The following PRKAG2 variants were observed in gnomAD, a reference collection of about 807,000 sequenced individuals.
The protein encoded by PRKAG2 is 5'-AMP-activated protein kinase subunit gamma-2.
PRKAG2 carries 26 observed loss-of-function variants against 69.6 expected under a neutral mutation model. That is an observed-to-expected ratio of 0.37 (90% CI 0.27 to 0.52). The LOEUF (loss-of-function observed/expected upper bound fraction) is 0.52, where lower values mean the gene tolerates loss of function less well. Ranked by LOEUF, PRKAG2 falls within the 20% of genes least tolerant of loss-of-function variation. The pLI, the probability that PRKAG2 is intolerant of heterozygous loss-of-function variation, is 0.90. For missense variants in PRKAG2, 557 were observed against 740.0 expected (o/e 0.75, Z 2.87); for synonymous variants, 293 against 285.0 (o/e 1.03, Z -0.28).
intron 3 of PRKAG2, among the ~76,000 whole-genome samples, chr7:151,684,456 G>T (rs1198433807): frequency 1.3e-5 from 2 of 152,226 alleles, no homozygotes; most frequent in Non-Finnish European, 1.5e-5. Flanking sequence ...TCAGAGGCTT[G>T]CTTCATTCTT....
intron 4 of PRKAG2, among the ~76,000 whole-genome samples, chr7:151,667,637 C>T (rs1831243152): frequency 6.6e-6 from 1 of 152,184 alleles, no homozygotes; most frequent in Non-Finnish European, 1.5e-5. Context: ...GGAGGAACTA[C>T]CGTGTGCCTG....
intron 1 of PRKAG2, among the ~76,000 whole-genome samples, chr7:151,808,941 G>A (rs2078269137): frequency 6.6e-6 from 1 of 152,164 alleles, no homozygotes; most frequent in Admixed American, 6.5e-5. Context: ...GCCCAGGCCT[G>A]GTGGGAGCAC....
intron 1 of PRKAG2, among the ~76,000 whole-genome samples, chr7:151,789,529 C>T (rs2077171186): frequency 6.6e-6 from 1 of 152,164 alleles, no homozygotes; most frequent in Admixed American, 6.5e-5. Context: ...AGAGCAACCC[C>T]TGAAAGGGTG....
intron 5 of PRKAG2, among the ~76,000 whole-genome samples, chr7:151,624,752 C>T (rs1367973263): frequency 6.6e-6 from 1 of 152,230 alleles, no homozygotes; most frequent in African/African-American, 2.4e-5. Context: ...AAGCCTTTCA[C>T]ACCTCCAGGG....
At chr7:151,869,371 G>C (rs1045427496) in intron 1 of PRKAG2, among the ~76,000 whole-genome samples, 3 of 152,218 alleles carry the variant, frequency 2.0e-5, no homozygotes, top group Non-Finnish European at 4.4e-5. Flanking sequence ...AGCGCGAATA[G>C]GGCAGCGGGG....
intron 3 of PRKAG2, among the ~76,000 whole-genome samples, chr7:151,701,638 T>C (rs1372580331): frequency 6.6e-6 from 1 of 152,032 alleles, no homozygotes; most frequent in Non-Finnish European, 1.5e-5. Context: ...GGTCAGGAGA[T>C]GGAGACCATC....
chr7:151,668,519 T>G (rs11761814), intron 4 of PRKAG2, among the ~76,000 whole-genome samples: 1 of 152,236 alleles, frequency 6.6e-6, no homozygotes, highest in East Asian at 1.9e-4. Context: ...CTGCAGAAGC[T>G]GCTACCGATG....
At position 151,632,193 on chromosome 7, in the gene PRKAG2, C is replaced by A; in HGVS notation, c.685-55G>T. 1.7e-6 allele frequency: 2 copies of A among 1,199,702 alleles called. No homozygotes were observed. Among genetic ancestry groups the A allele is most frequent in the Non-Finnish European group, 1.0e-6 (1 of 961,844 alleles). 74.3% of individuals were successfully genotyped at this position (1,199,702 alleles called of 1,614,324 possible). A position where few individuals can be genotyped will look rare whatever the true frequency, so the allele number is the denominator to read the frequency against. On this transcript the variant is annotated intron_variant, in intron 4 of 15. Transcript: ENST00000287878. The surrounding 1 kb of genome is among the most constrained non-coding windows in gnomAD (Gnocchi z 4.2). ...CATGAGCTGCGACGCTCGTCCCCGG[C>A]CGGCGGGCTCGCGGCCGGCCGAGCG...
At chr7:151,875,304 C>G (rs2080359631) in intron 1 of PRKAG2, among the ~76,000 whole-genome samples, 2 of 152,172 alleles carry the variant, frequency 1.3e-5, no homozygotes, top group Admixed American at 1.3e-4. Context: ...CCCTCTTCAC[C>G]CAAGCGTTAG....
chr7:151,859,392 C>T (rs903441513), intron 1 of PRKAG2, among the ~76,000 whole-genome samples: 1 of 152,188 alleles, frequency 6.6e-6, no homozygotes, highest in Non-Finnish European at 1.5e-5. Flanking sequence ...CGACTGCCAG[C>T]CCCGTGGAAA....
intron 4 of PRKAG2, among the ~76,000 whole-genome samples, chr7:151,670,725 A>G (rs986610052): frequency 6.6e-6 from 1 of 152,222 alleles, no homozygotes; most frequent in Non-Finnish European, 1.5e-5. Context: ...TCCTATGCAT[A>G]ATGCACGGAG....
chr7:151,687,736 G>A (rs537356641), intron 3 of PRKAG2, among the ~76,000 whole-genome samples: 25 of 152,312 alleles, frequency 1.6e-4, no homozygotes, highest in African/African-American at 5.8e-4. Flanking sequence ...TCTTCAGGCC[G>A]CAGCCCAGGG....
At chr7:151,694,919 C>A (rs1836343794) in intron 3 of PRKAG2, among the ~76,000 whole-genome samples, 5 of 152,224 alleles carry the variant, frequency 3.3e-5, no homozygotes, top group Admixed American at 2.6e-4. Flanking sequence ...TGCCCCAGTC[C>A]CTCCGGGTCA....
chr7:151,703,849 C>CACAT (rs1838139341), intron 3 of PRKAG2, among the ~76,000 whole-genome samples: 1 of 30,388 alleles, frequency 3.3e-5, no homozygotes, highest in African/African-American at 1.4e-4. Context: ...CTGGAAAACA[C>CACAT]ACACACACAC....
Position 151,557,899 on chromosome 7 carries a change from CAAA to C in PRKAG2, c.1679-670_1679-668del, listed in dbSNP as rs943294744. 5 of 947,456 alleles carry C rather than the reference CAAA, an allele frequency of 5.3e-6. No homozygotes were observed. The South Asian group carries it at 2.0e-4, about 37-fold the overall frequency. 58.7% of individuals were successfully genotyped at this position (947,456 alleles called of 1,614,324 possible). A position where few individuals can be genotyped will look rare whatever the true frequency, so the allele number is the denominator to read the frequency against. On this transcript the variant is annotated intron_variant, in intron 15 of 15. Transcript: ENST00000287878. Reference sequence around the variant, plus strand: ...AATAAAAAAAAAAAAAACAAAAAAACAAAAAAAAAACCTTTATAAATATTCTGA... The same window carrying C: ...AATAAAAAAAAAAAAAACAAAAAAACAAAAAAACCTTTATAAATATTCTGA...
rs12112802 is a variant in PRKAG2, at chr7:151,853,880, A to G, written c.114+22627T>C. On this transcript the variant is annotated intron_variant, in intron 1 of 15. Coordinates refer to ENST00000287878, the MANE Select transcript of PRKAG2 (RefSeq NM_016203.4). ...GCTGAGAAAGGATGATTTGGGCTCA[A>G]AATAAGACCTTCTGACCCCAAACCG... 9.8e-3 allele frequency among the ~76,000 whole-genome samples: 1,494 copies of G among 152,294 alleles called. 27 individuals carry two copies. The highest frequency in any genetic ancestry group is 0.032 in the South Asian group (155 of 4,824).
chr7:151,786,617 G>T, intron 1 of PRKAG2, 76 bp from the exon 2 acceptor site: 1 of 1,187,938 alleles, frequency 8.4e-7, no homozygotes, highest in Non-Finnish European at 1.2e-6. Context: ...CTACGTGGGT[G>T]TCACCTCCCC....
chr7:151,758,097 G>T (rs927655613), intron 3 of PRKAG2, among the ~76,000 whole-genome samples: 4 of 152,154 alleles, frequency 2.6e-5, no homozygotes, highest in African/African-American at 9.7e-5. Flanking sequence ...GTAGCCTTCG[G>T]TGTAATCAAA....
At position 151,844,199 on chromosome 7, in the gene PRKAG2, C is replaced by G. The variant is rs1009361245; in HGVS notation, c.114+32308G>C. 2.0e-4 allele frequency among the ~76,000 whole-genome samples: 30 copies of G among 152,148 alleles called. 1 individual carries two copies. The highest frequency in any genetic ancestry group is 5.9e-4 in the Admixed American group (9 of 15,278). Reference sequence around the variant, plus strand: ...GTGGCTCTGAAGTTGTGGCAGTGTCCCTCAGAGACTGGTCACTCACTACTA... The same window carrying G: ...GTGGCTCTGAAGTTGTGGCAGTGTCGCTCAGAGACTGGTCACTCACTACTA... On this transcript the variant is annotated intron_variant, in intron 1 of 15. Transcript: ENST00000287878.
Sources: allele counts gnomAD v4.1 joint callset (sites outside exome capture counted in the v4.1 genomes callset), GRCh38; gene constraint gnomAD v4.1.1; non-coding constraint Gnocchi (gnomAD v3.1); transcripts MANE v1.5; gene names NCBI Gene and HGNC (gene_info 2026-07-23, HGNC 2026-07-21).